The following GABRB3 variants were observed in gnomAD, a reference collection of about 807,000 sequenced individuals.
The protein encoded by GABRB3 is gamma-aminobutyric acid receptor subunit beta-3.
GABRB3 carries 14 observed loss-of-function variants against 52.1 expected under a neutral mutation model. The ratio of observed to expected loss-of-function variants is 0.27; its 90% CI spans 0.18 to 0.42. The LOEUF (loss-of-function observed/expected upper bound fraction) is 0.42. GABRB3 is among the 10% of genes least tolerant of loss of function. The probability of loss-of-function intolerance (pLI) is 1.00; values close to 1 mark genes in which losing one functional copy is unlikely to be tolerated. For missense variants in GABRB3, 307 were observed against 609.1 expected (o/e 0.50, Z 5.22); for synonymous variants, 260 against 232.3 (o/e 1.12, Z -1.08).
intron 3 of GABRB3, among the ~76,000 whole-genome samples, chr15:26,703,938 C>A (rs12905013): frequency 0.29 from 44,026 of 152,074 alleles, 7,526 homozygotes; most frequent in East Asian, 0.39. Context: ...TGTGGCTCTG[C>A]CAGGCTGGCG....
chr15:26,746,848 G>A (rs183388512), intron 3 of GABRB3, among the ~76,000 whole-genome samples: 14 of 152,148 alleles, frequency 9.2e-5, no homozygotes, highest in Middle Eastern at 3.4e-3. Context: ...TTAGCCGGGC[G>A]TGGTGGCGGG....
At chr15:26,593,319 T>G (rs1349654285) in intron 4 of GABRB3, among the ~76,000 whole-genome samples, 1 of 152,196 alleles carries the variant, frequency 6.6e-6, no homozygotes, top group Non-Finnish European at 1.5e-5. Context: ...TAAAATACAA[T>G]ACACACAATA....
rs532526188 is a variant in GABRB3, at chr15:26,587,722, G to C, written c.462-4308C>G. Among the ~76,000 whole-genome samples, 15 of 152,314 alleles carry C rather than the reference G, an allele frequency of 9.8e-5. No individual in the cohort carries two copies. The South Asian group carries it at 3.1e-3, about 32-fold the overall frequency. The stretch of plus-strand genomic sequence containing the variant: ...GTAGAACTGAGAGTTCAAGCCTAGT[G>C]CACGGAGATCAACCAAGGGCAGATA... On this transcript the variant is annotated intron_variant, in intron 4 of 8. Transcript: ENST00000311550.
At chr15:26,667,046 G>T (rs1395909655) in intron 3 of GABRB3, among the ~76,000 whole-genome samples, 2 of 152,180 alleles carry the variant, frequency 1.3e-5, no homozygotes, top group African/African-American at 4.8e-5. Context: ...GGTGCTTTTG[G>T]TGTGAAAATA....
chr15:26,714,560 A>T (rs1437043317), intron 3 of GABRB3, among the ~76,000 whole-genome samples: 2 of 152,190 alleles, frequency 1.3e-5, no homozygotes, highest in African/African-American at 4.8e-5. Context: ...CTTCCAGGTC[A>T]TAGGTAGATA....
At chr15:26,562,704 G>A (rs1890035054) in intron 7 of GABRB3, among the ~76,000 whole-genome samples, 1 of 152,200 alleles carries the variant, frequency 6.6e-6, no homozygotes, top group Non-Finnish European at 1.5e-5. Flanking sequence ...CCTTGAGACT[G>A]CAGAGCTCAG....
chr15:26,648,686 C>T (rs1405298041), intron 3 of GABRB3, among the ~76,000 whole-genome samples: 1 of 152,124 alleles, frequency 6.6e-6, no homozygotes, highest in Non-Finnish European at 1.5e-5. Context: ...CTTGGGGACC[C>T]AGGAGGTCAC....
intron 3 of GABRB3, among the ~76,000 whole-genome samples, chr15:26,692,979 G>T: frequency 6.6e-6 from 1 of 152,312 alleles, no homozygotes; most frequent in Middle Eastern, 3.4e-3. Context: ...TTACACAAAG[G>T]ATTGAGGGAG....
chr15:26,601,213 C>T (rs186539661), intron 4 of GABRB3, among the ~76,000 whole-genome samples: 22 of 152,030 alleles, frequency 1.4e-4, no homozygotes, highest in African/African-American at 4.8e-4. Context: ...CACCTGAGGT[C>T]GAGTTTGAAA....
At chr15:26,641,893 CT>C (rs1052165668) in intron 3 of GABRB3, among the ~76,000 whole-genome samples, 557 of 144,284 alleles carry the variant, frequency 3.9e-3, no homozygotes, top group Middle Eastern at 7.2e-3. Context: ...TCTTCTCTTT[CT>C]TTTTTTTTTT....
At chr15:26,650,251 G>A (rs1239037700) in intron 3 of GABRB3, among the ~76,000 whole-genome samples, 2 of 152,136 alleles carry the variant, frequency 1.3e-5, no homozygotes, top group African/African-American at 4.8e-5. Context: ...TTGGGTTAAT[G>A]AACTCCCTTG....
intron 8 of GABRB3, among the ~76,000 whole-genome samples, chr15:26,555,159 G>C (rs1043595642): frequency 1.3e-5 from 2 of 152,090 alleles, no homozygotes; most frequent in African/African-American, 4.8e-5. Context: ...ACTCCAGCCT[G>C]GGCGACAGAG....
At chr15:26,571,787 T>G (rs1462711752) in intron 6 of GABRB3, among the ~76,000 whole-genome samples, 13 of 152,130 alleles carry the variant, frequency 8.5e-5, no homozygotes, top group Admixed American at 8.5e-4. Context: ...ACATTCTATT[T>G]GTTAAAAGTA....
Position 26,686,251 on chromosome 15 carries a change from T to C in GABRB3, c.241-64717A>G, listed in dbSNP as rs528039837. Among the ~76,000 whole-genome samples the C allele has an allele frequency of 9.2e-5, 14 of 152,266 alleles. No homozygotes were observed. In the East Asian group the frequency reaches 1.2e-3, roughly 13 times the overall value. The stretch of plus-strand genomic sequence containing the variant: ...TGAGCCACTGCACCCAGCTCTAAGC[T>C]GGTTCTTATGTTCCTAAAATATGAA... On this transcript the variant is annotated intron_variant, in intron 3 of 8. Transcript: ENST00000311550.
At chr15:26,647,433 G>C (rs12905873) in intron 3 of GABRB3, among the ~76,000 whole-genome samples, 47,729 of 152,058 alleles carry the variant, frequency 0.31, 9,939 homozygotes, top group Non-Finnish European at 0.45. Context: ...CTGAGCCCAA[G>C]ATCAGGAAGA....
intron 7 of GABRB3, among the ~76,000 whole-genome samples, chr15:26,562,618 T>TCCA (rs1890032291): frequency 6.6e-6 from 1 of 152,152 alleles, no homozygotes; most frequent in Non-Finnish European, 1.5e-5. Context: ...TACTAAGCAT[T>TCCA]CCAATTTCAT....
intron 4 of GABRB3, among the ~76,000 whole-genome samples, chr15:26,591,513 A>C (rs1023989048): frequency 1.8e-4 from 28 of 152,284 alleles, no homozygotes; most frequent in Middle Eastern, 3.4e-3. Flanking sequence ...ATTTTCAAAG[A>C]ATTTGGCAAC....
At chr15:26,631,729 C>T (rs1309575681) in intron 3 of GABRB3, among the ~76,000 whole-genome samples, 1 of 152,214 alleles carries the variant, frequency 6.6e-6, no homozygotes, top group Non-Finnish European at 1.5e-5. Flanking sequence ...CCAATCTATT[C>T]CGTTTAATGA....
chr15:26,772,578 C>A, intron 2 of GABRB3, 103 bp downstream of exon 2: 1 of 1,436,828 alleles, frequency 7.0e-7, no homozygotes, highest in Non-Finnish European at 9.4e-7. Flanking sequence ...GGCCCCCACT[C>A]CCACCCGCCG....
Sources: allele counts gnomAD v4.1 joint callset (sites outside exome capture counted in the v4.1 genomes callset), GRCh38; gene constraint gnomAD v4.1.1; transcripts MANE v1.5; gene names NCBI Gene and HGNC (gene_info 2026-07-23, HGNC 2026-07-21).